DNM1L: variants seen among roughly 807,000 people sequenced by gnomAD.
DNM1L encodes dynamin-1-like protein.
In DNM1L, 33 loss-of-function variants were observed where a neutral mutation model predicts 92.8. That is an observed-to-expected ratio of 0.36 (90% CI 0.27 to 0.48). DNM1L has a LOEUF of 0.48. Ranked by LOEUF, DNM1L falls within the 20% of genes least tolerant of loss-of-function variation. The probability of loss-of-function intolerance (pLI) is 0.99; values close to 1 mark genes in which losing one functional copy is unlikely to be tolerated. For missense variants in DNM1L, 485 were observed against 888.8 expected (o/e 0.55, Z 5.78); for synonymous variants, 284 against 305.0 (o/e 0.93, Z 0.72).
At chr12:32,706,398 C>A (rs1952929298) in intron 2 of DNM1L, among the ~76,000 whole-genome samples, 1 of 152,114 alleles carries the variant, frequency 6.6e-6, no homozygotes, top group Non-Finnish European at 1.5e-5. Context: ...ATATTTTAAC[C>A]TTCTCTAAAT....
At chr12:32,694,075 G>T (rs1952335694) in intron 1 of DNM1L, among the ~76,000 whole-genome samples, 1 of 151,620 alleles carries the variant, frequency 6.6e-6, no homozygotes, top group Non-Finnish European at 1.5e-5. Flanking sequence ...CTATAGATTT[G>T]CCTATTTTGG....
intron 6 of DNM1L, among the ~76,000 whole-genome samples, chr12:32,716,137 G>C (rs146054005): frequency 9.2e-5 from 14 of 151,846 alleles, no homozygotes; most frequent in Admixed American, 2.6e-4. Context: ...AAAGAAGCCA[G>C]ACTCAAAAGG....
Position 32,742,758 on chromosome 12 carries a change from A to G in DNM1L, c.2154+10A>G, listed in dbSNP as rs757637006. On this transcript the variant is annotated intron_variant, in intron 19 of 19. Transcript: ENST00000549701. ...AGCTGATATGCTAAAGGTATTGTGG[A>G]CCTTTTGATTTTTTATACTTGGGTA... The G allele has an allele frequency of 6.2e-7, 1 of 1,613,976 alleles. No homozygotes were observed. The highest frequency in any genetic ancestry group is 8.5e-7 in the Non-Finnish European group (1 of 1,179,968).
intron 7 of DNM1L, among the ~76,000 whole-genome samples, chr12:32,720,238 T>C (rs982941440): frequency 2.6e-5 from 4 of 152,230 alleles, no homozygotes; most frequent in African/African-American, 9.6e-5. Flanking sequence ...TGTTTGTAGA[T>C]GATTGTTCTT....
chr12:32,697,691 T>G (rs950068251), intron 1 of DNM1L, among the ~76,000 whole-genome samples: 1 of 151,892 alleles, frequency 6.6e-6, no homozygotes, highest in African/African-American at 2.4e-5. Context: ...CAAGTGTTGG[T>G]AGCTGAAATA....
rs543496009 is a variant in DNM1L at position 32,741,831 on chromosome 12, C to T, written c.1995-758C>T. Among the ~76,000 whole-genome samples the T allele has an allele frequency of 5.9e-5, 9 of 152,250 alleles. No individual in the cohort carries two copies. The East Asian group carries it at 1.2e-3, about 20-fold the overall frequency. On this transcript the variant is annotated intron_variant, in intron 18 of 19. Transcript: ENST00000549701. ...AATAGGCTATCCCATATAGCTTAGG[C>T]GTGTCATAGGCTATACCATCTACGT...
chr12:32,718,002 T>TAATATATATAGTATATATATTATA (rs1953605028), intron 6 of DNM1L, among the ~76,000 whole-genome samples: 1 of 109,410 alleles, frequency 9.1e-6, no homozygotes, highest in Admixed American at 1.1e-4. Context: ...ATAGTATATA[T>TAATATATATAGTATATATATTATA]AATATATATA....
chr12:32,687,771 G>A (rs932551574), intron 1 of DNM1L, among the ~76,000 whole-genome samples: 19 of 151,780 alleles, frequency 1.3e-4, no homozygotes, highest in Non-Finnish European at 2.4e-4. Context: ...TATTATATGG[G>A]TTTATTTCTG....
chr12:32,741,519 A>C (rs569866098), intron 18 of DNM1L, among the ~76,000 whole-genome samples: 3 of 152,310 alleles, frequency 2.0e-5, no homozygotes, highest in African/African-American at 7.2e-5. Flanking sequence ...TCCTGACGTC[A>C]GGTGATCTAC....
chr12:32,694,347 G>A (rs1326960616), intron 1 of DNM1L, among the ~76,000 whole-genome samples: 1 of 152,128 alleles, frequency 6.6e-6, no homozygotes, highest in Non-Finnish European at 1.5e-5. Context: ...GCCTCCCAAA[G>A]TGCTGGGATT....
intron 7 of DNM1L, among the ~76,000 whole-genome samples, chr12:32,720,303 A>T (rs1253530005): frequency 2.0e-5 from 3 of 152,198 alleles, no homozygotes; most frequent in Non-Finnish European, 4.4e-5. Flanking sequence ...TGGATAAAAT[A>T]TACAGTTGAC....
chr12:32,706,593 T>A, intron 2 of DNM1L: 1 of 429,664 alleles, frequency 2.3e-6, no homozygotes, highest in Non-Finnish European at 4.6e-6. Flanking sequence ...AACAGACCTA[T>A]GACTGGAAAC....
At chr12:32,688,748 G>A (rs1250976406) in intron 1 of DNM1L, among the ~76,000 whole-genome samples, 9 of 152,112 alleles carry the variant, frequency 5.9e-5, no homozygotes, top group African/African-American at 1.9e-4. Flanking sequence ...TTTCACAGAC[G>A]ATAATTCTGC....
chr12:32,722,667 C>G, intron 9 of DNM1L, 34 bp downstream of exon 9: 3 of 1,517,398 alleles, frequency 2.0e-6, no homozygotes, highest in Non-Finnish European at 2.7e-6. Context: ...ATTTGGTTAC[C>G]TAGATTGCTA....
At chr12:32,687,155 T>C (rs1044833315) in intron 1 of DNM1L, among the ~76,000 whole-genome samples, 1 of 148,222 alleles carries the variant, frequency 6.7e-6, no homozygotes, top group African/African-American at 2.5e-5. Context: ...AATTTATCTT[T>C]TTTTTTCCTT....
At chr12:32,727,731 T>G (rs981970474) in intron 9 of DNM1L, among the ~76,000 whole-genome samples, 1 of 152,172 alleles carries the variant, frequency 6.6e-6, no homozygotes, top group Non-Finnish European at 1.5e-5. Context: ...GTCTGAAGAT[T>G]TGCATAGTAT....
At position 32,731,160 on chromosome 12, in the gene DNM1L, G is replaced by A. The variant is rs751371272; in HGVS notation, c.1200+26G>A. 3.1e-6 allele frequency: 5 copies of A among 1,613,056 alleles called. No homozygotes were observed. The highest frequency in any genetic ancestry group is 4.2e-6 in the Non-Finnish European group (5 of 1,179,656). The stretch of plus-strand genomic sequence containing the variant: ...GTGAGTATGTTTAGCTTTTTAGACT[G>A]TAAAAAAAAATGAGGTTAAAGTTTT... On this transcript the variant is annotated intron_variant, in intron 10 of 19. Coordinates refer to ENST00000549701, the MANE Select transcript of DNM1L (RefSeq NM_012062.5). The surrounding 1 kb of genome is among the most constrained non-coding windows in gnomAD (Gnocchi z 5.1).
intron 16 of DNM1L, 136 bp from the exon 17 acceptor site, chr12:32,739,925 CCTT>C: frequency 9.5e-7 from 1 of 1,049,900 alleles, no homozygotes; most frequent in Non-Finnish European, 1.4e-6. Flanking sequence ...CCTAGTGTCT[CCTT>C]CTGACCTCAT....
At chr12:32,734,733 C>G (rs1954760464) in intron 13 of DNM1L, among the ~76,000 whole-genome samples, 1 of 152,108 alleles carries the variant, frequency 6.6e-6, no homozygotes, top group African/African-American at 2.4e-5. Flanking sequence ...AACTTGAACC[C>G]AGGAGGTGGA....
Sources: allele counts gnomAD v4.1 joint callset (sites outside exome capture counted in the v4.1 genomes callset), GRCh38; gene constraint gnomAD v4.1.1; non-coding constraint Gnocchi (gnomAD v3.1); transcripts MANE v1.5; gene names NCBI Gene and HGNC (gene_info 2026-07-23, HGNC 2026-07-21).